Variants in SMAP2 observed in about 807,000 individuals in gnomAD.
The protein encoded by SMAP2 is small ArfGAP2.
SMAP2 carries 25 observed loss-of-function variants against 56.4 expected under a neutral mutation model. The ratio of observed to expected loss-of-function variants is 0.44; its 90% confidence interval spans 0.32 to 0.62. SMAP2 has a LOEUF of 0.62. SMAP2 is among the 20% of genes least tolerant of loss of function. The pLI is 0.04. For synonymous variants in SMAP2, 157 were observed against 181.7 expected (o/e 0.86, Z 1.09); for missense variants, 388 against 545.6 (o/e 0.71, Z 2.88).
At chr1:40,358,280 C>T (rs1395084911) in intron 1 of SMAP2, among the ~76,000 whole-genome samples, 1 of 151,836 alleles carries the variant, frequency 6.6e-6, no homozygotes, top group Non-Finnish European at 1.5e-5. Flanking sequence ...CAGTGGCTCA[C>T]ACCTGTAATC....
rs10645094 is a variant in SMAP2, at chr1:40,374,598, T to TGCGTGC, written c.103+376_103+377insCGTGCG. On this transcript the variant is annotated intron_variant, in intron 1 of 9. Coordinates refer to ENST00000372718, the MANE Select transcript of SMAP2 (RefSeq NM_022733.3). The surrounding 1 kb of genome is among the most constrained non-coding windows in gnomAD (Gnocchi z 5.9). ...TGCATTGCGTGCGTGCGTGCGTGCG[T>TGCGTGC]GTGTGTGTGTGTGTGTGTGTGTGTG... The TGCGTGC allele has an allele frequency of 2.5e-3, 1,554 of 621,110 alleles. 2 individuals carry two copies. The highest frequency in any genetic ancestry group is 3.1e-3 in the Non-Finnish European group (1,192 of 380,998). The allele number at this position is 621,110 out of a possible 1,614,324, so 38.5% of individuals were successfully genotyped here.
At position 40,416,948 on chromosome 1, in the gene SMAP2, A is replaced by G; in HGVS notation, c.1016A>G (p.Tyr339Cys). The change falls in exon 9 of 10, where the codon TAT becomes TGT. Residue 339 changes from tyrosine to cysteine, a missense_variant. Physicochemically the swap from Tyr to Cys is radical, Grantham distance 194. Coordinates refer to ENST00000372718, the MANE Select transcript of SMAP2 (RefSeq NM_022733.3). ...GCCCCCATGGCCATGCCTGCAGGCTATATGGGTGGCATGCAGGCATCAATG... is the reference window on the plus strand; with the variant it reads ...GCCCCCATGGCCATGCCTGCAGGCTGTATGGGTGGCATGCAGGCATCAATG... ...MVAPMAMPAGYMGGMQASMMG... is the reference protein window; with the variant it reads ...MVAPMAMPAGCMGGMQASMMG... 3 of 1,614,222 alleles carry G rather than the reference A, an allele frequency of 1.9e-6. No homozygotes were observed. The South Asian group carries it at 3.3e-5, about 18-fold the overall frequency.
At chr1:40,401,184 A>C (rs1216997752) in intron 1 of SMAP2, among the ~76,000 whole-genome samples, 6 of 152,074 alleles carry the variant, frequency 3.9e-5, no homozygotes, top group Non-Finnish European at 8.8e-5. Flanking sequence ...AATGGCGTGA[A>C]CTCGGGAGGC....
Position 40,406,727 on chromosome 1 carries a change from CT to C in SMAP2, c.104-6del. The stretch of plus-strand genomic sequence containing the variant: ...TTGTACTTTATTGCCCTGTTCCTGA[CT>C]TTCACAGGGCCGCGATGGGCCTCTT... On this transcript the variant is annotated splice_region_variant and splice_polypyrimidine_tract_variant and intron_variant, in intron 1 of 9. Transcript: ENST00000372718. 1.2e-6 allele frequency: 2 copies of C among 1,610,850 alleles called. No homozygotes were observed. The highest frequency in any genetic ancestry group is 1.7e-6 in the Non-Finnish European group (2 of 1,177,732).
At chr1:40,419,846 T>G (rs1645025537) in intron 9 of SMAP2, among the ~76,000 whole-genome samples, 1 of 152,206 alleles carries the variant, frequency 6.6e-6, no homozygotes, top group Non-Finnish European at 1.5e-5. Flanking sequence ...ACTGCACATG[T>G]GCATGTATAG....
intron 1 of SMAP2, among the ~76,000 whole-genome samples, chr1:40,375,291 T>A (rs566564974): frequency 6.6e-6 from 1 of 152,358 alleles, no homozygotes; most frequent in East Asian, 1.9e-4. Context: ...AATTTACTTT[T>A]GTTCATAATG....
intron 1 of SMAP2, among the ~76,000 whole-genome samples, chr1:40,389,925 G>T (rs1033475359): frequency 7.9e-5 from 2 of 25,396 alleles, no homozygotes; most frequent in African/African-American, 3.0e-4. Flanking sequence ...CCCCTCCCCC[G>T]CCCACCCCCA....
At position 40,383,308 on chromosome 1, in the gene SMAP2, G is replaced by A. The variant is rs58298492; in HGVS notation, c.103+9085G>A. On this transcript the variant is annotated intron_variant, in intron 1 of 9. Transcript: ENST00000372718. Reference sequence around the variant, plus strand: ...GCCGAGTGAGAGAGCGTATTACCCTGGCTGCTCCCTGCTCCTGCCTCTTAT... The same window carrying A: ...GCCGAGTGAGAGAGCGTATTACCCTAGCTGCTCCCTGCTCCTGCCTCTTAT... 4.0e-3 allele frequency among the ~76,000 whole-genome samples: 609 copies of A among 152,060 alleles called. 5 individuals carry two copies. The highest frequency in any genetic ancestry group is 0.014 in the African/African-American group (588 of 41,418).
chr1:40,417,325 A>C (rs1644999234), intron 9 of SMAP2, among the ~76,000 whole-genome samples: 1 of 150,948 alleles, frequency 6.6e-6, no homozygotes, highest in Non-Finnish European at 1.5e-5. Context: ...CCTAAATCTG[A>C]ATCTCTCCAC....
At chr1:40,415,691 CT>C (rs1487959662) in intron 7 of SMAP2, among the ~76,000 whole-genome samples, 1 of 152,194 alleles carries the variant, frequency 6.6e-6, no homozygotes, top group Non-Finnish European at 1.5e-5. Context: ...GTAGGAAAGA[CT>C]TGAAACCTTT....
chr1:40,416,867 G>C lies in SMAP2; in HGVS notation c.935G>C (p.Ser312Thr), dbSNP rs768716936. Residue 312 changes from serine (S) to threonine (T), a missense_variant, in exon 9 of 10, where the codon AGC becomes ACC. Ser to Thr is a moderately conservative substitution (Grantham distance 58). Coordinates refer to ENST00000372718, the MANE Select transcript of SMAP2 (RefSeq NM_022733.3). ...GVTPPNSIMG[S>T]MMPPPVGMVA... ...ACACCTCCTAACAGCATAATGGGGAGCATGATGCCTCCACCAGTAGGCATG... is the reference window on the plus strand; with the variant it reads ...ACACCTCCTAACAGCATAATGGGGACCATGATGCCTCCACCAGTAGGCATG... The C allele has an allele frequency of 1.1e-5, 18 of 1,614,048 alleles. No homozygotes were observed. The highest frequency in any genetic ancestry group is 1.0e-4 in the Admixed American group (6 of 60,004).
chr1:40,416,493 A>C, intron 8 of SMAP2, 152 bp downstream of exon 8: 1 of 843,578 alleles, frequency 1.2e-6, no homozygotes, highest in Non-Finnish European at 1.8e-6. Context: ...CAGCAGATGG[A>C]AATTAATGTA....
chr1:40,380,458 T>C (rs1001738528), intron 1 of SMAP2, among the ~76,000 whole-genome samples: 2 of 152,228 alleles, frequency 1.3e-5, no homozygotes, highest in Non-Finnish European at 2.9e-5. Context: ...AGCCAAGTCA[T>C]TGCTTGTTAA....
rs1239266274 is a variant in SMAP2, at chr1:40,374,985, T to C, written c.103+762T>C. The C allele has an allele frequency of 1.0e-6, 1 of 985,242 alleles. No homozygotes were observed. Among genetic ancestry groups the C allele is most frequent in the Non-Finnish European group, 1.2e-6 (1 of 829,924 alleles). The allele number at this position is 985,242 out of a possible 1,614,324, so 61.0% of individuals were successfully genotyped here. On this transcript the variant is annotated intron_variant, in intron 1 of 9. Transcript: ENST00000372718. This position sits in a 1 kb window ranked among gnomAD's most constrained non-coding sequence, Gnocchi z 5.9. ...GAGAGAGAAAGATGAATTCGATGAA[T>C]TCATTGCTTCCATGGCGATTACACT...
At chr1:40,417,430 C>T (rs916764183) in intron 9 of SMAP2, among the ~76,000 whole-genome samples, 1 of 152,122 alleles carries the variant, frequency 6.6e-6, no homozygotes, top group African/African-American at 2.4e-5. Flanking sequence ...AGACAGAATA[C>T]TGCAAGGTTC....
chr1:40,364,677 G>A (rs1019513418), intron 2 of SMAP2: 1 of 151,432 alleles, frequency 6.6e-6, no homozygotes, highest in Non-Finnish European at 1.5e-5. Flanking sequence ...CTGGGAAGTC[G>A]AGGTTGCAGT....
At chr1:40,377,166 G>A (rs911093526) in intron 1 of SMAP2, among the ~76,000 whole-genome samples, 10 of 152,194 alleles carry the variant, frequency 6.6e-5, no homozygotes, top group Middle Eastern at 3.4e-3. Flanking sequence ...TGCATCTGTG[G>A]TCCCAGCTAC....
At chr1:40,359,354 T>C (rs1479089109) in intron 1 of SMAP2, among the ~76,000 whole-genome samples, 1 of 152,088 alleles carries the variant, frequency 6.6e-6, no homozygotes, top group African/African-American at 2.4e-5. Flanking sequence ...CCACCCACCT[T>C]GGCCTCCCAA....
rs1156735643 is a variant in SMAP2, at chr1:40,422,125, C to T, written c.*24C>T. On this transcript the variant is annotated 3_prime_UTR_variant, in exon 10 of 10. Coordinates refer to ENST00000372718, the MANE Select transcript of SMAP2 (RefSeq NM_022733.3). ...AAAAACAAAACACCTGTATGGCTGC[C>T]ATTCTCTTCAGCCCTCGCTCTCCCC... The T allele has an allele frequency of 6.2e-7, 1 of 1,612,702 alleles. No homozygotes were observed. Among genetic ancestry groups the T allele is most frequent in the Non-Finnish European group, 8.5e-7 (1 of 1,179,620 alleles).
Sources: gnomAD v4.1 joint callset for allele counts (sites outside exome capture counted in the v4.1 genomes callset) on GRCh38, gnomAD v4.1.1 for gene constraint, Gnocchi (gnomAD v3.1) non-coding constraint, MANE v1.5 for transcripts, NCBI Gene and HGNC (gene_info 2026-07-23, HGNC 2026-07-21) for gene names.